Variants in ARHGEF26 observed in about 807,000 individuals in gnomAD.
ARHGEF26 encodes the protein Rho guanine nucleotide exchange factor (GEF) 26.
Under a neutral mutation model 89.4 loss-of-function variants are expected in ARHGEF26, and 59 were observed. That is an observed-to-expected ratio of 0.66 (90% CI 0.54 to 0.82). ARHGEF26 has a LOEUF of 0.82. ARHGEF26 is among the 40% of genes least tolerant of loss of function. The pLI is 0.00. For missense variants in ARHGEF26, 1,234 were observed against 1,085.6 expected, an observed-to-expected ratio of 1.14 and a Z score of -1.92; for synonymous variants, 500 against 428.4, an observed-to-expected ratio of 1.17 and a Z score of -2.06.
intron 6 of ARHGEF26, among the ~76,000 whole-genome samples, chr3:154,168,661 G>A (rs34852583): frequency 0.054 from 8,226 of 152,214 alleles, 345 homozygotes; most frequent in Non-Finnish European, 0.083. Context: ...AAGCCCAGAC[G>A]CGTTGACTCT....
At chr3:154,210,504 G>T (rs1021506403) in intron 9 of ARHGEF26, among the ~76,000 whole-genome samples, 2 of 151,718 alleles carry the variant, frequency 1.3e-5, no homozygotes, top group Non-Finnish European at 2.9e-5. Context: ...TAGTAGAGAC[G>T]GGGTTTCACC....
chr3:154,144,074 T>TA (rs1204243444), intron 4 of ARHGEF26, among the ~76,000 whole-genome samples: 2 of 152,300 alleles, frequency 1.3e-5, no homozygotes, highest in Admixed American at 6.5e-5. Context: ...GCTGACAGCT[T>TA]AGCTTTCACT....
At chr3:154,125,759 C>T (rs1340300745) in intron 3 of ARHGEF26, among the ~76,000 whole-genome samples, 1 of 151,962 alleles carries the variant, frequency 6.6e-6, no homozygotes, top group South Asian at 2.1e-4. Flanking sequence ...CTCATTTCTT[C>T]TCAAATATAA....
rs1718510689 is a variant in ARHGEF26, at chr3:154,256,499, C to G, written c.*1026C>G. On this transcript the variant is annotated 3_prime_UTR_variant, in exon 15 of 15. Coordinates refer to ENST00000465093, the MANE Select transcript of ARHGEF26 (RefSeq NM_015595.4). ...AGGAGATCCTCGGCCTCCCCAAGTG[C>G]TGGGATTATAGGCATGAGCCACCGT... is the stretch of plus-strand genomic sequence containing the variant. The G allele has an allele frequency of 3.2e-6, 3 of 930,132 alleles. No individual in the cohort carries two copies. The highest frequency in any genetic ancestry group is 3.8e-6 in the Non-Finnish European group (3 of 792,408). 57.6% of individuals were successfully genotyped at this position (930,132 alleles called of 1,614,324 possible). A position where few individuals can be genotyped will look rare whatever the true frequency, so the allele number is the denominator to read the frequency against.
Position 154,253,184 on chromosome 3 carries a change from G to T in ARHGEF26, c.2368+1G>T, listed in dbSNP as rs768373276. The T allele has an allele frequency of 1.2e-6, 2 of 1,614,022 alleles. No homozygotes were observed. The highest frequency in any genetic ancestry group is 8.5e-7 in the Non-Finnish European group (1 of 1,179,884). ...GGGAAGCCGCCTGCAGACCGAACCTGTAAGTTCTCTCAAGGGGAAGCCCAC... is the reference window on the plus strand; with the variant it reads ...GGGAAGCCGCCTGCAGACCGAACCTTTAAGTTCTCTCAAGGGGAAGCCCAC... On this transcript the variant is annotated splice_donor_variant, in intron 13 of 14. Coordinates refer to ENST00000465093, the MANE Select transcript of ARHGEF26 (RefSeq NM_015595.4). LOFTEE classifies it high-confidence loss of function.
intron 9 of ARHGEF26, among the ~76,000 whole-genome samples, chr3:154,212,737 A>G (rs1052250741): frequency 2.0e-5 from 3 of 152,156 alleles, no homozygotes; most frequent in Non-Finnish European, 2.9e-5. Flanking sequence ...TCACACTCCT[A>G]TGAGAATCCA....
At chr3:154,174,976 C>T (rs1478617703) in intron 6 of ARHGEF26, among the ~76,000 whole-genome samples, 1 of 152,108 alleles carries the variant, frequency 6.6e-6, no homozygotes, top group South Asian at 2.1e-4. Flanking sequence ...CAATCTCTAA[C>T]TGTCCTAGGC....
chr3:154,212,344 A>C (rs1219494486), intron 9 of ARHGEF26, among the ~76,000 whole-genome samples: 1 of 144,212 alleles, frequency 6.9e-6, no homozygotes, highest in Non-Finnish European at 1.5e-5. Context: ...CCTGTCTCAA[A>C]AAAAAAAAAA....
chr3:154,206,217 TC>T (rs1175474832), intron 9 of ARHGEF26, among the ~76,000 whole-genome samples: 9 of 152,210 alleles, frequency 5.9e-5, no homozygotes, highest in Admixed American at 2.0e-4. Flanking sequence ...TGCCCCTCTC[TC>T]CTGGCCTGTA....
chr3:154,254,699 T>G, intron 13 of ARHGEF26, 21 bp from the exon 14 acceptor site: 10 of 1,601,420 alleles, frequency 6.2e-6, no homozygotes, highest in Non-Finnish European at 8.6e-6. Flanking sequence ...GGAAACTTAG[T>G]ATGTCCTCTT....
At chr3:154,179,508 T>C (rs764244328) in intron 6 of ARHGEF26, among the ~76,000 whole-genome samples, 12 of 150,328 alleles carry the variant, frequency 8.0e-5, no homozygotes, top group African/African-American at 1.2e-4. Flanking sequence ...CTTGAGGGAA[T>C]TGAACAGAGA....
At chr3:154,227,287 TA>T (rs1277241326) in intron 11 of ARHGEF26, among the ~76,000 whole-genome samples, 7 of 127,810 alleles carry the variant, frequency 5.5e-5, no homozygotes, top group Admixed American at 3.0e-4. Context: ...AGCAGCTAAG[TA>T]AAAATTTTTT....
At chr3:154,145,258 G>A (rs1719629437) in intron 4 of ARHGEF26, among the ~76,000 whole-genome samples, 1 of 152,184 alleles carries the variant, frequency 6.6e-6, no homozygotes, top group African/African-American at 2.4e-5. Context: ...AAGAACTCTA[G>A]CTCACTTGTA....
In ARHGEF26 at chr3:154,249,782, A is replaced by G. The variant is rs944870657; in HGVS notation, c.2301-3334A>G. Among the ~76,000 whole-genome samples, 3 of 152,170 alleles carry G rather than the reference A, an allele frequency of 2.0e-5. No individual in the cohort carries two copies. In the East Asian group the frequency reaches 5.8e-4, roughly 29 times the overall value. On this transcript the variant is annotated intron_variant, in intron 12 of 14. Coordinates refer to ENST00000465093, the MANE Select transcript of ARHGEF26 (RefSeq NM_015595.4). ...CAGTGCAGCATTGCTTACTCTTGTC[A>G]CTTTGTGCAAAGGGAAAAGTCTGTG...
intron 3 of ARHGEF26, 67 bp from the exon 4 acceptor site, chr3:154,129,507 T>A: frequency 6.5e-7 from 1 of 1,531,706 alleles, no homozygotes; most frequent in Non-Finnish European, 8.8e-7. Flanking sequence ...ACATATGATG[T>A]TTATTTAGAA....
intron 12 of ARHGEF26, among the ~76,000 whole-genome samples, chr3:154,250,559 C>T (rs140919812): frequency 6.6e-6 from 1 of 152,316 alleles, no homozygotes; most frequent in East Asian, 1.9e-4. Flanking sequence ...ATCTGGACTT[C>T]TGGAAACTGG....
chr3:154,188,476 C>T (rs750453656), intron 7 of ARHGEF26, among the ~76,000 whole-genome samples: 1 of 152,216 alleles, frequency 6.6e-6, no homozygotes, highest in Non-Finnish European at 1.5e-5. Context: ...TGATGTGATG[C>T]ATATGCCATC....
intron 8 of ARHGEF26, among the ~76,000 whole-genome samples, chr3:154,192,151 A>G (rs923808754): frequency 6.6e-6 from 1 of 152,232 alleles, no homozygotes; most frequent in Non-Finnish European, 1.5e-5. Context: ...CCATTCTAGC[A>G]GTGGATCACA....
At chr3:154,163,005 C>A (rs1276483883) in intron 6 of ARHGEF26, among the ~76,000 whole-genome samples, 1 of 152,174 alleles carries the variant, frequency 6.6e-6, no homozygotes, top group South Asian at 2.1e-4. Flanking sequence ...ACTTTGCAAA[C>A]ATTTATACCT....
Sources: gnomAD v4.1 joint callset for allele counts (sites outside exome capture counted in the v4.1 genomes callset) on GRCh38, gnomAD v4.1.1 for gene constraint, MANE v1.5 for transcripts, NCBI Gene and HGNC (gene_info 2026-07-23, HGNC 2026-07-21) for gene names.